The following PDCD6 variants were observed in gnomAD, a reference collection of about 807,000 sequenced individuals.
PDCD6 encodes the protein programmed cell death protein 6.
In PDCD6, 12 loss-of-function variants were observed where a neutral mutation model predicts 28.3. The ratio of observed to expected loss-of-function variants is 0.42; its 90% CI spans 0.27 to 0.69. The LOEUF (loss-of-function observed/expected upper bound fraction) is 0.69, where lower values mean the gene tolerates loss of function less well. Among genes scored for constraint, PDCD6 ranks in the 30% least tolerant of loss-of-function variants. The pLI, the probability that PDCD6 is intolerant of heterozygous loss-of-function variation, is 0.22. For synonymous variants in PDCD6, 92 were observed against 108.0 expected, an observed-to-expected ratio of 0.85 and a Z score of 0.92; for missense variants, 226 against 269.9, an observed-to-expected ratio of 0.84 and a Z score of 1.14.
chr5:286,904 C>G (rs73730799), intron 2 of PDCD6, among the ~76,000 whole-genome samples: 1 of 151,856 alleles, frequency 6.6e-6, no homozygotes, highest in Non-Finnish European at 1.5e-5. Context: ...TGGAAACTCG[C>G]GGAGGAGTCG....
chr5:288,428 T>G (rs957264421), intron 2 of PDCD6, among the ~76,000 whole-genome samples: 15 of 151,314 alleles, frequency 9.9e-5, no homozygotes, highest in Admixed American at 2.6e-4. Flanking sequence ...GACCAAAATG[T>G]GAAAACTGCT....
At chr5:279,865 G>A (rs192040605) in intron 2 of PDCD6, among the ~76,000 whole-genome samples, 44 of 149,804 alleles carry the variant, frequency 2.9e-4, no homozygotes, top group African/African-American at 7.1e-4. Flanking sequence ...TGACTTGTGC[G>A]CCAACCTAAC....
At chr5:286,262 CTG>C (rs752101365) in intron 2 of PDCD6, among the ~76,000 whole-genome samples, 12 of 150,608 alleles carry the variant, frequency 8.0e-5, no homozygotes, top group Admixed American at 2.6e-4. Flanking sequence ...AGTTTGAGGA[CTG>C]TGCAGCTGGA....
At chr5:309,419 C>T in intron 4 of PDCD6, 1 of 158,188 alleles carries the variant, frequency 6.3e-6, no homozygotes, top group Non-Finnish European at 1.4e-5. Context: ...CTTTTCCCTT[C>T]ACTATTACTG....
Position 314,384 on chromosome 5 carries a change from C to G in PDCD6, c.478-33C>G, listed in dbSNP as rs780325757. ...CAGTGCACCTTGCTCCTTCCATTTA[C>G]TATCGAGATTTAAATGCCTGTTTTC... On this transcript the variant is annotated intron_variant, in intron 5 of 5. Coordinates refer to ENST00000264933, the MANE Select transcript of PDCD6 (RefSeq NM_013232.4). The G allele has an allele frequency of 2.7e-6, 4 of 1,498,532 alleles. No individual in the cohort carries two copies. In the East Asian group the frequency reaches 6.8e-5, roughly 25 times the overall value. 92.8% of individuals were successfully genotyped at this position (1,498,532 alleles called of 1,614,324 possible).
Position 307,171 on chromosome 5 carries a change from C to A in PDCD6, c.367+411C>A, listed in dbSNP as rs113616448. Reference sequence around the variant, plus strand: ...ACAGCTGTCAGTCACCAGGTCCAAACCGTGCGCCTCAGAAGGGGCGTTAGG... The same window carrying A: ...ACAGCTGTCAGTCACCAGGTCCAAAACGTGCGCCTCAGAAGGGGCGTTAGG... On this transcript the variant is annotated intron_variant, in intron 4 of 5. Transcript: ENST00000264933. This position sits in a 1 kb window ranked among gnomAD's most constrained non-coding sequence, Gnocchi z 6.1. Among the ~76,000 whole-genome samples, 135 of 151,848 alleles carry A rather than the reference C, an allele frequency of 8.9e-4. No individual in the cohort carries two copies. The highest frequency in any genetic ancestry group is 3.2e-3 in the African/African-American group (130 of 41,138).
chr5:286,579 C>T (rs967358656), intron 2 of PDCD6, among the ~76,000 whole-genome samples: 2 of 151,390 alleles, frequency 1.3e-5, no homozygotes, highest in African/African-American at 2.4e-5. Flanking sequence ...CTGATGTTCC[C>T]TTTAGAGGAC....
chr5:277,903 A>C (rs1738300745), intron 2 of PDCD6, among the ~76,000 whole-genome samples: 1 of 120,158 alleles, frequency 8.3e-6, no homozygotes, highest in African/African-American at 3.5e-5. Flanking sequence ...GGGCAGTGAG[A>C]CTCCATCTCA....
chr5:296,204 T>A (rs79736923), intron 2 of PDCD6, among the ~76,000 whole-genome samples: 1 of 152,174 alleles, frequency 6.6e-6, no homozygotes, highest in South Asian at 2.1e-4. Flanking sequence ...TCTGGGACAA[T>A]CAGGCCAGTT....
intron 4 of PDCD6, chr5:309,989 G>C (rs9686513): frequency 0.12 from 9,952 of 80,398 alleles, 277 homozygotes; most frequent in South Asian, 0.21. Flanking sequence ...TGGCCGCCGT[G>C]CCCGTGCACC....
At position 295,242 on chromosome 5, in the gene PDCD6, G is replaced by GCC. The variant is rs1196366224; in HGVS notation, c.164-8934_164-8933insCC. Among the ~76,000 whole-genome samples, 104 of 152,230 alleles carry GCC rather than the reference G, an allele frequency of 6.8e-4. 2 individuals are homozygous for GCC. The highest frequency in any genetic ancestry group is 1.6e-3 in the Admixed American group (25 of 15,294). ...AAAAACCACAAAAAGTATTTCATAA[G>GCC]CGTATTGGACTTTGAGTTGACATCA... On this transcript the variant is annotated intron_variant, in intron 2 of 5. Coordinates refer to ENST00000264933, the MANE Select transcript of PDCD6 (RefSeq NM_013232.4).
At chr5:280,485 G>A (rs1469036953) in intron 2 of PDCD6, among the ~76,000 whole-genome samples, 5 of 138,384 alleles carry the variant, frequency 3.6e-5, no homozygotes, top group East Asian at 2.4e-4. Context: ...ACCATAGACC[G>A]AAGTAGAGGG....
intron 2 of PDCD6, among the ~76,000 whole-genome samples, chr5:297,800 T>A (rs1243639817): frequency 6.6e-6 from 1 of 152,210 alleles, no homozygotes; most frequent in Non-Finnish European, 1.5e-5. Flanking sequence ...GGCAAAGACT[T>A]TAGAAGTCAT....
At chr5:303,364 C>G (rs1317115687) in intron 2 of PDCD6, among the ~76,000 whole-genome samples, 2 of 150,998 alleles carry the variant, frequency 1.3e-5, no homozygotes, top group Admixed American at 1.3e-4. Flanking sequence ...TCTCTCCTGA[C>G]CTTAAAAATA....
chr5:301,694 G>A (rs1740064047), intron 2 of PDCD6, among the ~76,000 whole-genome samples: 1 of 151,464 alleles, frequency 6.6e-6, no homozygotes, highest in Non-Finnish European at 1.5e-5. Flanking sequence ...GCTGCTGTGT[G>A]TGTGGGCCTC....
At position 293,043 on chromosome 5, in the gene PDCD6, A is replaced by C. The variant is rs527331059; in HGVS notation, c.164-11134A>C. Among the ~76,000 whole-genome samples the C allele has an allele frequency of 3.9e-5, 6 of 152,266 alleles. No individual in the cohort carries two copies. In the South Asian group the frequency reaches 1.2e-3, roughly 32 times the overall value. On this transcript the variant is annotated intron_variant, in intron 2 of 5. Transcript: ENST00000264933. ...CAAGTTTGTCCCCTCTCAAGTCTGC[A>C]CCATCCGGAAAACCAAACACCTCTC...
chr5:285,300 C>A (rs995097905), intron 2 of PDCD6, among the ~76,000 whole-genome samples: 1 of 151,468 alleles, frequency 6.6e-6, no homozygotes, highest in Non-Finnish European at 1.5e-5. Flanking sequence ...ACTGATGCTG[C>A]AGTTTGAGGG....
At position 311,382 on chromosome 5, in the gene PDCD6, C is replaced by G; in HGVS notation, c.457C>G (p.Gln153Glu). Residue 153 changes from glutamine to glutamate, a missense_variant, in exon 5 of 6, where the codon CAG (glutamine) becomes GAG (glutamate). Transcript: ENST00000264933. Reference sequence around the variant, plus strand: ...GCAGATTGCCTTCGACGACTTCATCCAGGGCTGCATCGTCCTGCAGGTGAC... The same window carrying G: ...GCAGATTGCCTTCGACGACTTCATCGAGGGCTGCATCGTCCTGCAGGTGAC... Reference protein sequence around the residue: ...RGQIAFDDFIQGCIVLQRLTD... With the variant: ...RGQIAFDDFIEGCIVLQRLTD... 6.2e-7 allele frequency: 1 copy of G among 1,613,426 alleles called. No individual in the cohort carries two copies. The highest frequency in any genetic ancestry group is 8.5e-7 in the Non-Finnish European group (1 of 1,179,408).
intron 4 of PDCD6, chr5:310,304 C>G (rs983481810): frequency 1.3e-5 from 2 of 156,502 alleles, no homozygotes; most frequent in African/African-American, 4.8e-5. Context: ...GACAGAATGC[C>G]CTGACCACTC....
Sources: allele counts gnomAD v4.1 joint callset (sites outside exome capture counted in the v4.1 genomes callset), GRCh38; gene constraint gnomAD v4.1.1; non-coding constraint Gnocchi (gnomAD v3.1); transcripts MANE v1.5; gene names NCBI Gene and HGNC (gene_info 2026-07-23, HGNC 2026-07-21).